Variants in CDKN2C observed in about 807,000 individuals in gnomAD.
CDKN2C encodes cyclin-dependent kinase 4 inhibitor C.
CDKN2C carries 5 observed loss-of-function variants against 11.0 expected under a neutral mutation model. The observed-to-expected ratio is 0.45, with a 90% CI of 0.24 to 0.95. The LOEUF (loss-of-function observed/expected upper bound fraction) is 0.95, where lower values mean the gene tolerates loss of function less well. Ranked by LOEUF, CDKN2C falls within the 40% of genes least tolerant of loss-of-function variation. CDKN2C has a pLI of 0.21. For missense variants in CDKN2C, 161 were observed against 211.9 expected, an observed-to-expected ratio of 0.76 and a Z score of 1.49; for synonymous variants, 79 against 88.3, an observed-to-expected ratio of 0.89 and a Z score of 0.59.
chr1:50,965,057 TATAGATAGATAGATAG>T (rs71578051), intron 1 of CDKN2C, among the ~76,000 whole-genome samples: 19 of 147,324 alleles, frequency 1.3e-4, no homozygotes, highest in Non-Finnish European at 2.4e-4. Flanking sequence ...GTCTCAAAAA[TATAGATAGATAGATAG>T]ATAGATAGAT....
chr1:50,961,496 A>G lies in CDKN2C; in HGVS notation c.-1976+693A>G, dbSNP rs921276658. ...TGTCGTCCAGGTTAGAGAAAGTGTG[A>G]CAGTGGAAGTTGTTCATCCTTGACT... On this transcript the variant is annotated intron_variant, in intron 1 of 3. Coordinates refer to the CDKN2C transcript ENST00000262662. 2.2e-4 allele frequency among the ~76,000 whole-genome samples: 33 copies of G among 152,352 alleles called. 1 individual carries two copies. The highest frequency in any genetic ancestry group is 1.7e-3 in the Admixed American group (26 of 15,296).
chr1:50,966,339 G>A (rs1220517324), upstream of CDKN2C, among the ~76,000 whole-genome samples: 2 of 152,060 alleles, frequency 1.3e-5, no homozygotes, highest in East Asian at 1.9e-4. Context: ...CACTGCGCCC[G>A]GCCACTTCTA....
intron 1 of CDKN2C, among the ~76,000 whole-genome samples, 171 bp from the exon 2 acceptor site, chr1:50,973,722 A>G (rs1404561249): frequency 1.3e-5 from 2 of 152,096 alleles, no homozygotes; most frequent in East Asian, 3.9e-4. Context: ...TTCTACTTTC[A>G]CCTACTAGCA....
intron 1 of CDKN2C, among the ~76,000 whole-genome samples, chr1:50,963,625 T>G (rs1447933176): frequency 6.6e-6 from 1 of 152,190 alleles, no homozygotes; most frequent in Non-Finnish European, 1.5e-5. Context: ...AGACACTGTT[T>G]CTTCCCTATG....
intron 1 of CDKN2C, among the ~76,000 whole-genome samples, 196 bp downstream of exon 1, chr1:50,970,693 A>G (rs192971165): frequency 1.8e-3 from 278 of 152,330 alleles, no homozygotes; most frequent in Non-Finnish European, 3.1e-3. Flanking sequence ...CTCAAATCCA[A>G]TAACATCCTT....
chr1:50,962,546 T>C (rs992059896), intron 1 of CDKN2C, among the ~76,000 whole-genome samples: 2 of 152,226 alleles, frequency 1.3e-5, no homozygotes, highest in Non-Finnish European at 1.5e-5. Flanking sequence ...TAATTGTTTC[T>C]AGTTATATGG....
At chr1:50,961,532 T>C (rs983669655) in intron 1 of CDKN2C, among the ~76,000 whole-genome samples, 2 of 152,212 alleles carry the variant, frequency 1.3e-5, no homozygotes, top group African/African-American at 2.4e-5. Context: ...TGGGAAAATA[T>C]CAGCTTCTGG....
intron 1 of CDKN2C, among the ~76,000 whole-genome samples, chr1:50,962,581 A>G (rs557166914): frequency 6.6e-6 from 1 of 152,306 alleles, no homozygotes; most frequent in East Asian, 1.9e-4. Context: ...AGTCCTAAAA[A>G]GTTGAGAGTT....
At chr1:50,971,022 G>T (rs1281241499) in intron 1 of CDKN2C, among the ~76,000 whole-genome samples, 2 of 152,170 alleles carry the variant, frequency 1.3e-5, no homozygotes, top group Admixed American at 6.5e-5. Context: ...GGGACAGGAT[G>T]TACATTTTAC....
rs1393394200 is a variant in CDKN2C, at chr1:50,974,603, T to C, written c.*333T>C. The C allele has an allele frequency of 2.2e-5, 6 of 276,738 alleles. No individual in the cohort carries two copies. The highest frequency in any genetic ancestry group is 4.1e-5 in the Non-Finnish European group (6 of 146,332). 17.1% of individuals were successfully genotyped at this position (276,738 alleles called of 1,614,324 possible). A position where few individuals can be genotyped will look rare whatever the true frequency, so the allele number is the denominator to read the frequency against. ...TTTTTAAAATGGTTTGTCCTGATGCTTTTGTCTAATTAAAACACTTTCAAA... is the reference window on the plus strand; with the variant it reads ...TTTTTAAAATGGTTTGTCCTGATGCCTTTGTCTAATTAAAACACTTTCAAA... On this transcript the variant is annotated 3_prime_UTR_variant, in exon 2 of 2. Coordinates refer to ENST00000371761, the MANE Select transcript of CDKN2C (RefSeq NM_078626.3).
chr1:50,971,588 A>AT (rs1215559774), intron 1 of CDKN2C, among the ~76,000 whole-genome samples: 7 of 152,120 alleles, frequency 4.6e-5, no homozygotes, highest in African/African-American at 1.4e-4. Flanking sequence ...TTAAGTAATG[A>AT]TTTTTTTTCC....
chr1:50,966,743 A>T (rs1403741522), upstream of CDKN2C, among the ~76,000 whole-genome samples: 2 of 152,154 alleles, frequency 1.3e-5, no homozygotes, highest in Non-Finnish European at 2.9e-5. Flanking sequence ...AATGTTAAAA[A>T]AAAAAAAAAA....
At chr1:50,972,268 G>T in intron 1 of CDKN2C, among the ~76,000 whole-genome samples, 1 of 152,104 alleles carries the variant, frequency 6.6e-6, no homozygotes, top group East Asian at 1.9e-4. Context: ...TAACCAAAAA[G>T]TATGTTTCAT....
Position 50,974,085 on chromosome 1 carries a change from C to T in CDKN2C, c.322C>T (p.His108Tyr), listed in dbSNP as rs750713852. The T allele has an allele frequency of 1.2e-6, 2 of 1,614,058 alleles. No individual in the cohort carries two copies. Among genetic ancestry groups the T allele is most frequent in the African/African-American group, 1.3e-5 (1 of 74,924 alleles). ...IEDNEGNLPL[H>Y]LAAKEGHLRV... Reference sequence around the variant, plus strand: ...GGATAATGAAGGGAACCTGCCCTTGCACTTGGCTGCCAAAGAAGGCCACCT... The same window carrying T: ...GGATAATGAAGGGAACCTGCCCTTGTACTTGGCTGCCAAAGAAGGCCACCT... Residue 108 changes from histidine (H) to tyrosine (Y), a missense_variant, in exon 2 of 2, where the codon CAC (histidine) becomes TAC (tyrosine). Coordinates refer to ENST00000371761, the MANE Select transcript of CDKN2C (RefSeq NM_078626.3).
At position 50,970,514 on chromosome 1, in the gene CDKN2C, G is replaced by A. The variant is rs753009206; in HGVS notation, c.129+17G>A. On this transcript the variant is annotated intron_variant, in intron 1 of 1. Transcript: ENST00000371761. ...GCGCTGCAGGTTGGTATTAAGAGAG[G>A]TGGGGAAAACAAGTCAATAATGTTG... 1 of 1,614,026 alleles carries A rather than the reference G, an allele frequency of 6.2e-7. No individual in the cohort carries two copies. The highest frequency in any genetic ancestry group is 8.5e-7 in the Non-Finnish European group (1 of 1,179,922).
chr1:50,971,503 G>A (rs2147957073), intron 1 of CDKN2C, among the ~76,000 whole-genome samples: 1 of 152,184 alleles, frequency 6.6e-6, no homozygotes. Context: ...AGAATACACT[G>A]GCCTTGCAAA....
chr1:50,969,944 G>A, upstream of CDKN2C: 2 of 245,330 alleles, frequency 8.2e-6, no homozygotes, highest in South Asian at 2.2e-4. The surrounding 1 kb of genome is among the most constrained non-coding windows in gnomAD (Gnocchi z 6.6). Context: ...TTCCTTCCGC[G>A]GTATTTTCTG....
chr1:50,973,966 G>C lies in CDKN2C; in HGVS notation c.203G>C (p.Arg68Pro), dbSNP rs750990884. The change falls in exon 2 of 2, where the codon CGA becomes CCA. Residue 68 changes from arginine to proline, a missense_variant. Physicochemically the swap from Arg to Pro is moderately radical, Grantham distance 103. Coordinates refer to ENST00000371761, the MANE Select transcript of CDKN2C (RefSeq NM_078626.3). Reference protein sequence around the residue: ...LRGANPDLKDRTGFAVIHDAA... With the variant: ...LRGANPDLKDPTGFAVIHDAA... ...GGTGCTAATCCCGATTTGAAAGACC[G>C]AACTGGTTTCGCTGTCATTCATGAT... is the stretch of plus-strand genomic sequence containing the variant. 6.2e-7 allele frequency: 1 copy of C among 1,614,174 alleles called. No homozygotes were observed. The highest frequency in any genetic ancestry group is 2.2e-5 in the East Asian group (1 of 44,890).
intron 1 of CDKN2C, among the ~76,000 whole-genome samples, chr1:50,961,307 G>A (rs1339536069): frequency 6.6e-6 from 1 of 152,156 alleles, no homozygotes; most frequent in African/African-American, 2.4e-5. Context: ...CAAAGTGTTG[G>A]GATTACAGGC....
Sources: allele counts gnomAD v4.1 joint callset (sites outside exome capture counted in the v4.1 genomes callset), GRCh38; gene constraint gnomAD v4.1.1; non-coding constraint Gnocchi (gnomAD v3.1); transcripts MANE v1.5; gene names NCBI Gene and HGNC (gene_info 2026-07-23, HGNC 2026-07-21).